Variants in EBPL observed in about 807,000 individuals in gnomAD.
EBPL encodes the protein EBP like, also known as emopamil-binding protein-like.
Under a neutral mutation model 19.0 loss-of-function variants are expected in EBPL, and 20 were observed. The ratio of observed to expected loss-of-function variants is 1.05; its 90% confidence interval spans 0.74 to 1.53. The LOEUF (loss-of-function observed/expected upper bound fraction) is 1.53, where lower values mean the gene tolerates loss of function less well. EBPL is among the 40% of genes most tolerant of loss of function. The pLI is 0.00. For synonymous variants in EBPL, 107 were observed against 117.0 expected (o/e 0.91, Z 0.55); for missense variants, 219 against 261.1 (o/e 0.84, Z 1.11).
intron 1 of EBPL, among the ~76,000 whole-genome samples, chr13:49,680,958 A>G (rs1953936789): frequency 6.6e-6 from 1 of 152,234 alleles, no homozygotes; most frequent in Non-Finnish European, 1.5e-5. Context: ...TTTCCCAGAG[A>G]TGACCACTGT....
At chr13:49,679,865 G>GA (rs879577714) in intron 1 of EBPL, among the ~76,000 whole-genome samples, 68 of 149,270 alleles carry the variant, frequency 4.6e-4, no homozygotes, top group Non-Finnish European at 9.6e-4. Context: ...TCCTAACCAA[G>GA]AAAAAAATAG....
rs374216796 is a variant in EBPL at position 49,661,150 on chromosome 13, G to A, written c.439C>T (p.Leu147Phe). The A allele has an allele frequency of 1.7e-5, 28 of 1,614,080 alleles. No homozygotes were observed. Among genetic ancestry groups the A allele is most frequent in the Non-Finnish European group, 2.2e-5 (26 of 1,180,044 alleles). Reference sequence around the variant, plus strand: ...GGGCTTCTGGTGAGCCACTCTGGGAGGAAGGTCATCCAGCAGCCATACAGC... The same window carrying A: ...GGGCTTCTGGTGAGCCACTCTGGGAAGAAGGTCATCCAGCAGCCATACAGC... ...CELYGCWMTFLPEWLTRSPNL... is the reference protein window; with the variant it reads ...CELYGCWMTFFPEWLTRSPNL... Residue 147 changes from leucine to phenylalanine, a missense_variant, in exon 4 of 4, where the codon CTC (leucine) becomes TTC (phenylalanine). Coordinates refer to ENST00000242827, the MANE Select transcript of EBPL (RefSeq NM_032565.5).
chr13:49,680,946 C>T (rs35150514), intron 1 of EBPL, among the ~76,000 whole-genome samples: 39,985 of 152,110 alleles, frequency 0.26, 5,703 homozygotes, highest in Non-Finnish European at 0.32. Context: ...CTCCCAATCA[C>T]GTTTCCCAGA....
chr13:49,687,273 A>G (rs980705288), intron 1 of EBPL, among the ~76,000 whole-genome samples: 3 of 152,104 alleles, frequency 2.0e-5, no homozygotes, highest in South Asian at 4.1e-4. Context: ...TCTCCCCTGG[A>G]AAGTCTCTCA....
At chr13:49,685,173 G>A (rs1953983653) in intron 1 of EBPL, among the ~76,000 whole-genome samples, 1 of 152,168 alleles carries the variant, frequency 6.6e-6, no homozygotes, top group South Asian at 2.1e-4. Flanking sequence ...GGAGAAGTTT[G>A]CTTTATCAGA....
chr13:49,686,437 A>C, intron 1 of EBPL: 3 of 1,271,316 alleles, frequency 2.4e-6, no homozygotes, highest in Admixed American at 2.4e-5. Flanking sequence ...CATCAATCCC[A>C]CTCTCACCAT....
At chr13:49,683,565 A>G (rs1191800746) in intron 1 of EBPL, among the ~76,000 whole-genome samples, 4 of 151,920 alleles carry the variant, frequency 2.6e-5, no homozygotes, top group African/African-American at 7.3e-5. Context: ...CAAAAACAAA[A>G]ACAAAAAACA....
chr13:49,673,791 G>T (rs1221663812), intron 1 of EBPL, among the ~76,000 whole-genome samples: 1 of 152,174 alleles, frequency 6.6e-6, no homozygotes, highest in Admixed American at 6.5e-5. Context: ...AGAAATGGAG[G>T]ACATTGTTAG....
At chr13:49,678,327 G>A (rs912570518) in intron 1 of EBPL, among the ~76,000 whole-genome samples, 5 of 152,228 alleles carry the variant, frequency 3.3e-5, no homozygotes, top group African/African-American at 9.6e-5. Context: ...CCTGCGCCGC[G>A]CGCCGGCACT....
intron 1 of EBPL, among the ~76,000 whole-genome samples, chr13:49,689,274 C>G (rs924812050): frequency 6.6e-6 from 1 of 152,200 alleles, no homozygotes; most frequent in Admixed American, 6.5e-5. Flanking sequence ...AGTAAACAGT[C>G]TTAAACCAAG....
chr13:49,674,675 G>A (rs1007544260), intron 1 of EBPL, among the ~76,000 whole-genome samples: 1 of 150,874 alleles, frequency 6.6e-6, no homozygotes, highest in Non-Finnish European at 1.5e-5. Context: ...TTGTCTAGTT[G>A]GATAACAATG....
intron 1 of EBPL, among the ~76,000 whole-genome samples, chr13:49,683,297 C>T (rs546838409): frequency 1.1e-4 from 16 of 151,924 alleles, no homozygotes; most frequent in South Asian, 2.1e-4. Flanking sequence ...GAGGCCGAGG[C>T]GGGCAGATCA....
intron 1 of EBPL, among the ~76,000 whole-genome samples, chr13:49,685,574 C>T (rs1339850374): frequency 6.6e-6 from 1 of 152,172 alleles, no homozygotes; most frequent in Admixed American, 6.5e-5. Context: ...AGCAGTCCTC[C>T]TTCAAGAAAA....
At chr13:49,686,101 G>T (rs1953994283) in intron 1 of EBPL, among the ~76,000 whole-genome samples, 1 of 152,190 alleles carries the variant, frequency 6.6e-6, no homozygotes, top group Admixed American at 6.5e-5. Flanking sequence ...GCAGGACAAG[G>T]CTAATCAGAC....
chr13:49,679,136 G>A (rs1469171234), intron 1 of EBPL, among the ~76,000 whole-genome samples: 1 of 152,098 alleles, frequency 6.6e-6, no homozygotes, highest in Non-Finnish European at 1.5e-5. Context: ...TGGAATTGTA[G>A]AGAATGGAGA....
At chr13:49,687,085 G>C (rs1045410084) in intron 1 of EBPL, among the ~76,000 whole-genome samples, 2 of 152,122 alleles carry the variant, frequency 1.3e-5, no homozygotes, top group African/African-American at 4.8e-5. Flanking sequence ...TTACAGGTGT[G>C]AGCCACTGCC....
intron 1 of EBPL, among the ~76,000 whole-genome samples, chr13:49,678,343 G>A (rs931499951): frequency 1.5e-4 from 23 of 152,254 alleles, no homozygotes; most frequent in Admixed American, 1.4e-3. Context: ...GCACTCCTCA[G>A]CCCTTGGGCG....
chr13:49,679,753 T>C lies in EBPL; in HGVS notation c.172-9907A>G, dbSNP rs796213264. On this transcript the variant is annotated intron_variant, in intron 1 of 3. Coordinates refer to ENST00000242827, the MANE Select transcript of EBPL (RefSeq NM_032565.5). ...CTCCTTGGCTCAAGCGCCTCCTCCC[T>C]CAGCTTCCCAAAGTGCCAGGATTAC... 5.9e-5 allele frequency among the ~76,000 whole-genome samples: 9 copies of C among 152,232 alleles called. 1 individual carries two copies. Among genetic ancestry groups the C allele is most frequent in the African/African-American group, 1.9e-4 (8 of 41,534 alleles).
chr13:49,672,933 G>C (rs1194704711), intron 1 of EBPL, among the ~76,000 whole-genome samples: 1 of 152,126 alleles, frequency 6.6e-6, no homozygotes, highest in Non-Finnish European at 1.5e-5. Flanking sequence ...GGTGGTGTGT[G>C]CCTGGAGTCC....
Sources: gnomAD v4.1 joint callset for allele counts (sites outside exome capture counted in the v4.1 genomes callset) on GRCh38, gnomAD v4.1.1 for gene constraint, MANE v1.5 for transcripts, NCBI Gene and HGNC (gene_info 2026-07-23, HGNC 2026-07-21) for gene names.